TENM3: variants seen among roughly 807,000 people sequenced by gnomAD.
The protein encoded by TENM3 is teneurin-3.
TENM3 carries 63 observed loss-of-function variants against 255.1 expected under a neutral mutation model. The observed-to-expected ratio is 0.25, with a 90% CI of 0.20 to 0.30. TENM3 has a LOEUF of 0.30. Among genes scored for constraint, TENM3 ranks in the 10% least tolerant of loss-of-function variants. The probability of loss-of-function intolerance (pLI) is 1.00; values close to 1 mark genes in which losing one functional copy is unlikely to be tolerated. For missense variants in TENM3, 2,929 were observed against 3,461.1 expected (o/e 0.85, Z 3.86); for synonymous variants, 1,306 against 1,322.3 (o/e 0.99, Z 0.27).
At chr4:182,744,675 C>T (rs1033368003) in intron 19 of TENM3, among the ~76,000 whole-genome samples, 1 of 152,174 alleles carries the variant, frequency 6.6e-6, no homozygotes, top group African/African-American at 2.4e-5. Flanking sequence ...GGCCCCAAAA[C>T]TGAAGCTTAA....
At chr4:182,479,635 TAATC>T (rs1359109123) in intron 3 of TENM3, among the ~76,000 whole-genome samples, 2 of 152,042 alleles carry the variant, frequency 1.3e-5, no homozygotes, top group African/African-American at 4.8e-5. Context: ...ACTGAAGTAA[TAATC>T]CTCATTTGTA....
chr4:181,507,339 C>T, the TENM3 span, among the ~76,000 whole-genome samples: 1 of 152,196 alleles, frequency 6.6e-6, no homozygotes, highest in South Asian at 2.1e-4. Context: ...AAACAGTAGA[C>T]AAGTCACACG....
intron 3 of TENM3, among the ~76,000 whole-genome samples, chr4:182,514,971 A>G (rs1253127169): frequency 6.6e-6 from 1 of 152,242 alleles, no homozygotes; most frequent in Non-Finnish European, 1.5e-5. Flanking sequence ...GACTCAGTCA[A>G]TTAATATTGA....
the TENM3 span, among the ~76,000 whole-genome samples, chr4:181,619,324 T>C: frequency 6.6e-6 from 1 of 152,200 alleles, no homozygotes; most frequent in Non-Finnish European, 1.5e-5. Flanking sequence ...TTGTGTGATC[T>C]ATTTGTATTT....
At chr4:182,020,449 A>C in the TENM3 span, among the ~76,000 whole-genome samples, 6 of 152,150 alleles carry the variant, frequency 3.9e-5, no homozygotes, top group Non-Finnish European at 8.8e-5. Context: ...TAAAAAAGTT[A>C]CAACTAGATA....
At position 182,600,992 on chromosome 4, in the gene TENM3, G is replaced by A. The variant is rs1321310438; in HGVS notation, c.580G>A (p.Ala194Thr). The A allele has an allele frequency of 8.1e-6, 13 of 1,599,594 alleles. No individual in the cohort carries two copies. The highest frequency in any genetic ancestry group is 2.8e-5 in the African/African-American group (2 of 70,834). ...PLPPSHKQHS[A>T]QHHPSITSLN... is the part of the protein sequence containing the mutation. ...GCCGCCTTCCCATAAGCAGCACTCT[G>A]CACAGCATCATCCATCCATCACTTC... The change falls in exon 4 of 28, where the codon GCA becomes ACA. Residue 194 changes from alanine to threonine, a missense_variant. This residue lies in a region of TENM3 where 283 missense variants were observed against 256.9 expected (regional missense o/e 1.10). Coordinates refer to ENST00000511685, the MANE Select transcript of TENM3 (RefSeq NM_001080477.4).
intron 1 of TENM3, among the ~76,000 whole-genome samples, chr4:182,178,469 T>C (rs1440141454): frequency 6.6e-6 from 1 of 152,188 alleles, no homozygotes; most frequent in African/African-American, 2.4e-5. Context: ...ACAAGTTTAA[T>C]AGAATTAAAG....
intron 22 of TENM3, among the ~76,000 whole-genome samples, chr4:182,768,854 C>T (rs1763940730): frequency 6.6e-6 from 1 of 152,102 alleles, no homozygotes; most frequent in South Asian, 2.1e-4. Context: ...TTTGTCCTTT[C>T]CAGCGAGAGT....
the TENM3 span, among the ~76,000 whole-genome samples, chr4:181,822,162 C>T: frequency 6.6e-6 from 1 of 151,948 alleles, no homozygotes; most frequent in Non-Finnish European, 1.5e-5. Context: ...CTCCCTCACA[C>T]CCCCCCACTT....
chr4:182,425,792 G>A (rs1771161656), intron 3 of TENM3, among the ~76,000 whole-genome samples: 1 of 151,956 alleles, frequency 6.6e-6, no homozygotes, highest in African/African-American at 2.4e-5. Context: ...GGCGGATCAC[G>A]AGGTCAGGAG....
At chr4:181,929,495 A>G in the TENM3 span, among the ~76,000 whole-genome samples, 3 of 152,206 alleles carry the variant, frequency 2.0e-5, no homozygotes, top group Non-Finnish European at 2.9e-5. Flanking sequence ...TCCTAAATAT[A>G]TATGCCCCCA....
At chr4:182,199,861 G>A (rs889099651) in intron 1 of TENM3, among the ~76,000 whole-genome samples, 3 of 151,452 alleles carry the variant, frequency 2.0e-5, no homozygotes, top group Non-Finnish European at 4.4e-5. Context: ...CCGAGTAGTG[G>A]AACTTTAGGC....
intron 6 of TENM3, among the ~76,000 whole-genome samples, chr4:182,671,003 G>A (rs368394552): frequency 5.3e-5 from 8 of 152,210 alleles, no homozygotes; most frequent in African/African-American, 1.4e-4. Flanking sequence ...GAAAATACAA[G>A]AAATCACTAG....
the TENM3 span, among the ~76,000 whole-genome samples, chr4:182,054,014 C>T: frequency 1.3e-5 from 2 of 152,276 alleles, no homozygotes; most frequent in East Asian, 1.9e-4. Context: ...GGAATGATGT[C>T]GATCGCCTGC....
the TENM3 span, chr4:181,975,554 T>C: frequency 6.6e-6 from 1 of 152,196 alleles, no homozygotes; most frequent in African/African-American, 2.4e-5. Context: ...GCGATAAACA[T>C]CTGAGTGCAG....
the TENM3 span, among the ~76,000 whole-genome samples, chr4:181,986,468 C>G: frequency 6.6e-6 from 1 of 152,076 alleles, no homozygotes; most frequent in Admixed American, 6.6e-5. Context: ...TTCCCAATCC[C>G]AACCTTTAGT....
At chr4:181,967,525 C>T in the TENM3 span, among the ~76,000 whole-genome samples, 6 of 152,124 alleles carry the variant, frequency 3.9e-5, no homozygotes, top group Non-Finnish European at 7.4e-5. Flanking sequence ...GAAGCAAGTG[C>T]AGTCTTTAAA....
chr4:182,791,237 G>A (rs1348218231), intron 25 of TENM3, among the ~76,000 whole-genome samples: 1 of 152,222 alleles, frequency 6.6e-6, no homozygotes, highest in African/African-American at 2.4e-5. Flanking sequence ...CCAAAGAGGA[G>A]ATTCTACAGA....
At chr4:181,506,595 C>A in the TENM3 span, among the ~76,000 whole-genome samples, 1 of 151,684 alleles carries the variant, frequency 6.6e-6, no homozygotes, top group Non-Finnish European at 1.5e-5. Flanking sequence ...TCTGATACAG[C>A]GGCCAGAAAT....
Sources: gnomAD v4.1 joint callset for allele counts (sites outside exome capture counted in the v4.1 genomes callset) on GRCh38, gnomAD v4.1.1 for gene constraint, gnomAD v4.1.1 regional missense constraint, MANE v1.5 for transcripts, NCBI Gene and HGNC (gene_info 2026-07-23, HGNC 2026-07-21) for gene names.